Variants in DOCK2 observed in about 807,000 individuals in gnomAD.
The protein encoded by DOCK2 is dedicator of cytokinesis 2.
In DOCK2, 87 loss-of-function variants were observed where a neutral mutation model predicts 248.9. The observed-to-expected ratio is 0.35, with a 90% CI of 0.29 to 0.42. The LOEUF (loss-of-function observed/expected upper bound fraction) is 0.42, where lower values mean the gene tolerates loss of function less well. Among genes scored for constraint, DOCK2 ranks in the 10% least tolerant of loss-of-function variants. The pLI, the probability that DOCK2 is intolerant of heterozygous loss-of-function variation, is 1.00. For synonymous variants in DOCK2, 805 were observed against 821.6 expected, an observed-to-expected ratio of 0.98 and a Z score of 0.35; for missense variants, 1,747 against 2,300.2, an observed-to-expected ratio of 0.76 and a Z score of 4.92.
intron 27 of DOCK2, among the ~76,000 whole-genome samples, chr5:169,889,816 G>T (rs991843233): frequency 2.6e-5 from 4 of 152,170 alleles, no homozygotes; most frequent in African/African-American, 9.7e-5. Flanking sequence ...ATTTGGCCTG[G>T]GAGCCATAGT....
chr5:170,020,977 A>G (rs1755702009), intron 33 of DOCK2, among the ~76,000 whole-genome samples: 1 of 152,244 alleles, frequency 6.6e-6, no homozygotes, highest in Non-Finnish European at 1.5e-5. Flanking sequence ...TTATTTGTGC[A>G]AGAAACATCT....
intron 29 of DOCK2, among the ~76,000 whole-genome samples, chr5:169,988,899 A>G (rs1778139415): frequency 6.6e-6 from 1 of 152,200 alleles, no homozygotes; most frequent in African/African-American, 2.4e-5. Context: ...CTTATGCCAG[A>G]CCAGTGTTCC....
In DOCK2 at chr5:169,927,245, C is replaced by G. The variant is rs529354375; in HGVS notation, c.2800-55823C>G. Among the ~76,000 whole-genome samples the G allele has an allele frequency of 5.3e-5, 8 of 152,182 alleles. No homozygotes were observed. The South Asian group carries it at 8.3e-4, about 16-fold the overall frequency. On this transcript the variant is annotated intron_variant, in intron 27 of 51. Transcript: ENST00000520908. ...GAAGGGAAGCAGCTTCAGATGAATT[C>G]GGAGAGGTAGAAGCAGCCAGATCCT...
chr5:169,725,172 T>C (rs1762406871), intron 22 of DOCK2, among the ~76,000 whole-genome samples: 1 of 152,216 alleles, frequency 6.6e-6, no homozygotes, highest in South Asian at 2.1e-4. Flanking sequence ...TAAGCCTCTG[T>C]TTTTGGTTTT....
intron 2 of DOCK2, among the ~76,000 whole-genome samples, chr5:169,668,185 A>C (rs1451001067): frequency 6.6e-6 from 1 of 152,216 alleles, no homozygotes; most frequent in Non-Finnish European, 1.5e-5. Context: ...GGTTGTTATG[A>C]ATATTGAAGG....
At chr5:170,016,350 C>A (rs1422127646) in intron 32 of DOCK2, among the ~76,000 whole-genome samples, 1 of 152,170 alleles carries the variant, frequency 6.6e-6, no homozygotes, top group Non-Finnish European at 1.5e-5. Context: ...AGTTTGTATT[C>A]AATTAGCCAC....
At chr5:170,045,686 G>C in intron 38 of DOCK2, 130 bp from the exon 39 acceptor site, 1 of 860,382 alleles carries the variant, frequency 1.2e-6, no homozygotes, top group Non-Finnish European at 1.9e-6. Context: ...CTGTATGGGG[G>C]TGGATCTGGG....
chr5:169,841,866 T>A (rs1769995667), intron 27 of DOCK2, among the ~76,000 whole-genome samples: 1 of 152,244 alleles, frequency 6.6e-6, no homozygotes. Flanking sequence ...AGCATGTTTT[T>A]CTGTTTTGTC....
intron 25 of DOCK2, among the ~76,000 whole-genome samples, chr5:169,798,644 T>C (rs1170418615): frequency 6.6e-6 from 1 of 152,198 alleles, no homozygotes. Flanking sequence ...GTACTAAGTG[T>C]TTTTCCTGTC....
At chr5:169,738,934 A>G (rs889354463) in intron 22 of DOCK2, among the ~76,000 whole-genome samples, 1 of 152,262 alleles carries the variant, frequency 6.6e-6, no homozygotes. Flanking sequence ...TGGTCATCCT[A>G]CTGCTCAAAG....
intron 41 of DOCK2, among the ~76,000 whole-genome samples, chr5:170,051,654 A>T (rs1756920236): frequency 6.6e-6 from 1 of 152,104 alleles, no homozygotes; most frequent in South Asian, 2.1e-4. Flanking sequence ...ACGTGCATGG[A>T]GGTGAGCTAG....
At chr5:169,801,766 C>T (rs892130175) in intron 25 of DOCK2, among the ~76,000 whole-genome samples, 10 of 151,390 alleles carry the variant, frequency 6.6e-5, no homozygotes, top group African/African-American at 2.4e-4. Context: ...TCTACCTCTT[C>T]TGACCTTTGT....
rs1438651854 is a variant in DOCK2 at position 169,803,191 on chromosome 5, T to C, written c.2688T>C (p.Leu896=). The change falls in exon 26 of 52, where the codon CTT becomes CTC. Residue 896 remains leucine, a synonymous_variant. Transcript: ENST00000520908. The part of the protein sequence containing the change: ...VELLNSILEV[L]SYQDAAFTYH... ...TGCTCAACAGCATCTTGGAAGTCCT[T>C]AGCTACCAGGATGCGGTGAGTCCTC... 3.6e-5 allele frequency: 58 copies of C among 1,613,462 alleles called. No homozygotes were observed. The highest frequency in any genetic ancestry group is 4.9e-5 in the Non-Finnish European group (58 of 1,179,714).
chr5:169,815,427 A>G (rs1335880993), intron 26 of DOCK2, among the ~76,000 whole-genome samples: 1 of 152,146 alleles, frequency 6.6e-6, no homozygotes, highest in African/African-American at 2.4e-5. Flanking sequence ...CCTACAGCCA[A>G]ATGCACGATG....
intron 30 of DOCK2, among the ~76,000 whole-genome samples, chr5:169,996,462 AC>A (rs1400485597): frequency 6.6e-6 from 1 of 152,066 alleles, no homozygotes; most frequent in Non-Finnish European, 1.5e-5. Context: ...AAAATGTATC[AC>A]CTTTTTTTTA....
chr5:169,807,393 ATG>A (rs1029704692), intron 26 of DOCK2, among the ~76,000 whole-genome samples: 1 of 152,116 alleles, frequency 6.6e-6, no homozygotes, highest in African/African-American at 2.4e-5. Flanking sequence ...GATGCTACCA[ATG>A]TAGAGGCCAT....
intron 1 of DOCK2, among the ~76,000 whole-genome samples, chr5:169,644,201 T>C (rs928757751): frequency 3.3e-5 from 5 of 151,986 alleles, no homozygotes; most frequent in African/African-American, 1.2e-4. Context: ...CATTGCAGGA[T>C]TTGGAGTAGA....
intron 6 of DOCK2, among the ~76,000 whole-genome samples, chr5:169,675,902 T>C (rs762387819): frequency 6.6e-6 from 1 of 152,210 alleles, no homozygotes; most frequent in South Asian, 2.1e-4. Context: ...TGATGCCCCA[T>C]TGGCATCTGG....
In DOCK2 at chr5:169,814,232, C is replaced by T. The variant is rs543594739; in HGVS notation, c.2703+11026C>T. Among the ~76,000 whole-genome samples, 7 of 152,302 alleles carry T rather than the reference C, an allele frequency of 4.6e-5. No individual in the cohort carries two copies. In the East Asian group the frequency reaches 5.8e-4, roughly 13 times the overall value. On this transcript the variant is annotated intron_variant, in intron 26 of 51. Transcript: ENST00000520908. ...AACCACCAGCAGGGAAACATACTGACGTCATGTGCCTCCTGACACGATGCA... is the reference window on the plus strand; with the variant it reads ...AACCACCAGCAGGGAAACATACTGATGTCATGTGCCTCCTGACACGATGCA...
Sources: gnomAD v4.1 joint callset for allele counts (sites outside exome capture counted in the v4.1 genomes callset) on GRCh38, gnomAD v4.1.1 for gene constraint, MANE v1.5 for transcripts, NCBI Gene and HGNC (gene_info 2026-07-23, HGNC 2026-07-21) for gene names.